The following DTNA variants were observed in gnomAD, a reference collection of about 807,000 sequenced individuals.
The protein encoded by DTNA is dystrophin-related protein 3.
DTNA carries 43 observed loss-of-function variants against 100.7 expected under a neutral mutation model. The ratio of observed to expected loss-of-function variants is 0.43; its 90% CI spans 0.33 to 0.55. The LOEUF (loss-of-function observed/expected upper bound fraction) is 0.55. Among genes scored for constraint, DTNA ranks in the 20% least tolerant of loss-of-function variants. The pLI is 0.04. For missense variants in DTNA, 798 were observed against 953.9 expected, an observed-to-expected ratio of 0.84 and a Z score of 2.15; for synonymous variants, 349 against 347.9, an observed-to-expected ratio of 1.00 and a Z score of -0.04.
At chr18:34,664,898 A>T (rs948262580) in intron 1 of DTNA, among the ~76,000 whole-genome samples, 4 of 152,034 alleles carry the variant, frequency 2.6e-5, no homozygotes, top group African/African-American at 9.7e-5. Flanking sequence ...AGGATATGGG[A>T]TCCCTTTTTT....
At chr18:34,834,308 C>T (rs892764608) in intron 11 of DTNA, among the ~76,000 whole-genome samples, 2 of 150,364 alleles carry the variant, frequency 1.3e-5, no homozygotes, top group African/African-American at 4.9e-5. Flanking sequence ...CCAGCCTGGC[C>T]AACATGGTGA....
At chr18:34,502,577 A>G (rs2040044801) in intron 1 of DTNA, among the ~76,000 whole-genome samples, 2 of 152,082 alleles carry the variant, frequency 1.3e-5, no homozygotes, top group Admixed American at 6.6e-5. Flanking sequence ...ATTTAGTTGA[A>G]TGTATTTTTA....
chr18:34,689,221 G>A (rs1188832630), intron 1 of DTNA, among the ~76,000 whole-genome samples: 3 of 152,072 alleles, frequency 2.0e-5, no homozygotes, highest in African/African-American at 7.2e-5. Flanking sequence ...GAGAAGAGGC[G>A]TTCTGCTTTT....
intron 5 of DTNA, among the ~76,000 whole-genome samples, chr18:34,809,596 T>C (rs767029229): frequency 6.6e-6 from 1 of 152,236 alleles, no homozygotes; most frequent in Non-Finnish European, 1.5e-5. Context: ...AAAGTTTTTC[T>C]AATTCACGTT....
At chr18:34,830,711 G>T (rs189343387) in intron 11 of DTNA, among the ~76,000 whole-genome samples, 1 of 152,212 alleles carries the variant, frequency 6.6e-6, no homozygotes, top group Non-Finnish European at 1.5e-5. Flanking sequence ...GTGCACATGT[G>T]TACATTCAGT....
In DTNA at chr18:34,858,344, C is replaced by T. The variant is rs199828427; in HGVS notation, c.1592C>T (p.Thr531Met). The change falls in exon 16 of 23, where the codon ACG (threonine) becomes ATG (methionine). Residue 531 changes from threonine (T) to methionine (M), a missense_variant. Thr to Met is a moderately conservative substitution (Grantham distance 81, BLOSUM62 -1). This residue lies in a region of DTNA where 159 missense variants were observed against 201.2 expected (regional missense o/e 0.79). Coordinates refer to ENST00000444659, the MANE Select transcript of DTNA (RefSeq NM_001386795.1). ...RLEHEQASQP[T>M]PEKAQQNPTL... ...GAGCATGAACAAGCTTCTCAGCCCACGCCAGAGAAGGCACAGCAAAACCCC... is the reference window on the plus strand; with the variant it reads ...GAGCATGAACAAGCTTCTCAGCCCATGCCAGAGAAGGCACAGCAAAACCCC... 8.4e-5 allele frequency: 136 copies of T among 1,614,130 alleles called. 1 individual carries two copies. In the Admixed American group the frequency reaches 1.8e-3, roughly 22 times the overall value.
At chr18:34,633,618 A>G (rs2058337077) in intron 1 of DTNA, among the ~76,000 whole-genome samples, 1 of 152,102 alleles carries the variant, frequency 6.6e-6, no homozygotes, top group South Asian at 2.1e-4. Flanking sequence ...CAGGTCATAC[A>G]CTCAAAGGGT....
rs4597392 is a variant in DTNA, at chr18:34,548,648, G to A, written c.-2+55134G>A. 9.7e-4 allele frequency among the ~76,000 whole-genome samples: 148 copies of A among 152,066 alleles called. No homozygotes were observed. The East Asian group carries it at 0.026, about 27-fold the overall frequency. The stretch of plus-strand genomic sequence containing the variant: ...TCCTTCCCTGACACTAAGATTCCTA[G>A]TAGACTTTGATTAGCCTCCTAACCA... On this transcript the variant is annotated intron_variant, in intron 1 of 19. Coordinates refer to the DTNA transcript ENST00000283365.
intron 2 of DTNA, among the ~76,000 whole-genome samples, chr18:34,760,485 T>C (rs546176948): frequency 2.2e-4 from 33 of 152,336 alleles, no homozygotes; most frequent in African/African-American, 7.7e-4. Context: ...AGCCAGCTTA[T>C]CCAAAATAGG....
chr18:34,509,328 T>A (rs898601947), intron 1 of DTNA, among the ~76,000 whole-genome samples: 3 of 152,124 alleles, frequency 2.0e-5, no homozygotes, highest in Non-Finnish European at 2.9e-5. Context: ...TGACATTTTT[T>A]AAATGTGGTA....
At chr18:34,604,175 C>T (rs1000582293) in intron 1 of DTNA, among the ~76,000 whole-genome samples, 4 of 152,046 alleles carry the variant, frequency 2.6e-5, no homozygotes, top group African/African-American at 7.2e-5. Context: ...TAGGCGTGAC[C>T]GGGTGTGTGT....
chr18:34,704,002 A>T (rs924320204), intron 1 of DTNA, among the ~76,000 whole-genome samples: 3 of 151,874 alleles, frequency 2.0e-5, no homozygotes, highest in Admixed American at 2.0e-4. Context: ...CTGTTTCTTA[A>T]TCTTTGTTTT....
intron 16 of DTNA, among the ~76,000 whole-genome samples, chr18:34,861,598 T>C (rs2096628820): frequency 6.6e-6 from 1 of 151,390 alleles, no homozygotes; most frequent in Non-Finnish European, 1.5e-5. Context: ...GATGAATACA[T>C]GTAGTGCTAG....
intron 1 of DTNA, among the ~76,000 whole-genome samples, chr18:34,671,701 G>A (rs2076777965): frequency 6.6e-6 from 1 of 151,650 alleles, no homozygotes; most frequent in African/African-American, 2.4e-5. Flanking sequence ...TTTTTATTTT[G>A]CCTTTTTGTT....
chr18:34,768,813 A>G (rs2093620587), intron 3 of DTNA, among the ~76,000 whole-genome samples: 1 of 152,202 alleles, frequency 6.6e-6, no homozygotes, highest in South Asian at 2.1e-4. Context: ...GACATGCAAT[A>G]CCTTCCTTCA....
At chr18:34,640,781 C>T (rs16965709) in intron 1 of DTNA, among the ~76,000 whole-genome samples, 7,861 of 152,250 alleles carry the variant, frequency 0.052, 598 homozygotes, top group African/African-American at 0.17. Context: ...ATCTAGCCTA[C>T]CCCAGAACTG....
intron 1 of DTNA, among the ~76,000 whole-genome samples, chr18:34,594,944 G>A (rs1261589954): frequency 6.6e-6 from 1 of 152,178 alleles, no homozygotes; most frequent in African/African-American, 2.4e-5. Flanking sequence ...AATGTACTAA[G>A]TCCCCCAGTA....
intron 1 of DTNA, among the ~76,000 whole-genome samples, chr18:34,538,794 A>G (rs554575600): frequency 6.6e-6 from 1 of 152,014 alleles, no homozygotes; most frequent in Non-Finnish European, 1.5e-5. Context: ...AATCAATTTA[A>G]GCATCATAAA....
chr18:34,839,943 C>T lies in DTNA; in HGVS notation c.1346+1106C>T, dbSNP rs572042084. Among the ~76,000 whole-genome samples, 5 of 152,294 alleles carry T rather than the reference C, an allele frequency of 3.3e-5. No individual in the cohort carries two copies. The East Asian group carries it at 5.8e-4, about 18-fold the overall frequency. ...CTAGGCCATTGCTCCATGCTCCTTG[C>T]CCTCACCACTTGATGTTATTAGCCG... On this transcript the variant is annotated intron_variant, in intron 13 of 22. Coordinates refer to ENST00000444659, the MANE Select transcript of DTNA (RefSeq NM_001386795.1).
Sources: gnomAD v4.1 joint callset for allele counts (sites outside exome capture counted in the v4.1 genomes callset) on GRCh38, gnomAD v4.1.1 for gene constraint, gnomAD v4.1.1 regional missense constraint, MANE v1.5 for transcripts, NCBI Gene and HGNC (gene_info 2026-07-23, HGNC 2026-07-21) for gene names.